PAK5: variants seen among roughly 807,000 people sequenced by gnomAD.
The protein encoded by PAK5 is p21 (RAC1) activated kinase 5.
In PAK5, 16 loss-of-function variants were observed where a neutral mutation model predicts 65.9. The observed-to-expected ratio is 0.24, with a 90% CI of 0.16 to 0.37. The LOEUF is 0.37. PAK5 is among the 10% of genes least tolerant of loss of function. PAK5 has a pLI of 1.00. For synonymous variants in PAK5, 371 were observed against 354.9 expected (o/e 1.05, Z -0.51); for missense variants, 785 against 903.9 (o/e 0.87, Z 1.69).
intron 2 of PAK5, among the ~76,000 whole-genome samples, chr20:9,687,348 A>T (rs1233121142): frequency 6.6e-6 from 1 of 152,200 alleles, no homozygotes; most frequent in African/African-American, 2.4e-5. Flanking sequence ...GATATCTTCA[A>T]ATGACACTTT....
At chr20:9,835,472 T>C (rs1191138614) in intron 1 of PAK5, among the ~76,000 whole-genome samples, 2 of 152,150 alleles carry the variant, frequency 1.3e-5, no homozygotes, top group Admixed American at 6.5e-5. Context: ...AAGATGAGGC[T>C]GGCCAAGTAT....
At chr20:9,773,913 T>C (rs6108337) in intron 1 of PAK5, among the ~76,000 whole-genome samples, 48,587 of 152,088 alleles carry the variant, frequency 0.32, 7,848 homozygotes, top group Middle Eastern at 0.47. Context: ...GTTCATGCTT[T>C]GCAGTAACTG....
intron 2 of PAK5, among the ~76,000 whole-genome samples, chr20:9,708,428 T>C (rs2048035674): frequency 6.6e-6 from 1 of 152,168 alleles, no homozygotes; most frequent in Non-Finnish European, 1.5e-5. Context: ...AGAGGGGATA[T>C]CCAACATATA....
At chr20:9,787,987 G>C (rs1351470436) in intron 1 of PAK5, among the ~76,000 whole-genome samples, 1 of 151,384 alleles carries the variant, frequency 6.6e-6, no homozygotes, top group Non-Finnish European at 1.5e-5. Flanking sequence ...GTGTGTTGGG[G>C]GGGGTATGTG....
chr20:9,772,759 C>T (rs2048848071), intron 1 of PAK5, among the ~76,000 whole-genome samples: 1 of 152,218 alleles, frequency 6.6e-6, no homozygotes, highest in South Asian at 2.1e-4. Context: ...CCCCTGGGTC[C>T]TCCAGCAGAG....
intron 2 of PAK5, among the ~76,000 whole-genome samples, chr20:9,701,907 G>A (rs1253850448): frequency 6.6e-6 from 1 of 152,056 alleles, no homozygotes; most frequent in East Asian, 1.9e-4. Flanking sequence ...GGTTGAGATA[G>A]GAGGACTGCT....
intron 1 of PAK5, among the ~76,000 whole-genome samples, chr20:9,830,930 TTTTGG>T (rs550496057): frequency 6.6e-6 from 1 of 152,112 alleles, no homozygotes; most frequent in South Asian, 2.1e-4. Flanking sequence ...TGTTGTCTTT[TTTTGG>T]TTTGGTTTGG....
intron 3 of PAK5, among the ~76,000 whole-genome samples, chr20:9,590,518 C>T (rs1017470873): frequency 3.3e-5 from 5 of 151,914 alleles, no homozygotes; most frequent in African/African-American, 1.2e-4. Context: ...AATACTTACT[C>T]TCAGGCCCTT....
At chr20:9,640,484 C>T (rs1365310071) in intron 3 of PAK5, among the ~76,000 whole-genome samples, 2 of 152,034 alleles carry the variant, frequency 1.3e-5, no homozygotes, top group Non-Finnish European at 2.9e-5. Flanking sequence ...GGGTTGGTTT[C>T]AAGTCTTTGC....
chr20:9,757,654 T>A (rs1340968763), intron 1 of PAK5, among the ~76,000 whole-genome samples: 1 of 152,156 alleles, frequency 6.6e-6, no homozygotes, highest in African/African-American at 2.4e-5. Context: ...CAACATTTTC[T>A]CCCTCATAAA....
chr20:9,732,943 G>C (rs919168310), intron 1 of PAK5, among the ~76,000 whole-genome samples: 4 of 152,196 alleles, frequency 2.6e-5, no homozygotes, highest in African/African-American at 9.6e-5. Context: ...ATCTGGAAAA[G>C]ACATCAACTT....
intron 8 of PAK5, among the ~76,000 whole-genome samples, chr20:9,544,039 T>A (rs2045306637): frequency 6.6e-6 from 1 of 152,192 alleles, no homozygotes. Context: ...CATCTGCATG[T>A]CTCCAGCCAC....
chr20:9,750,804 G>A (rs2048567484), intron 1 of PAK5, among the ~76,000 whole-genome samples: 3 of 152,078 alleles, frequency 2.0e-5, no homozygotes, highest in African/African-American at 7.2e-5. Flanking sequence ...CATGAGTACT[G>A]ATGATAGTTC....
In PAK5 at chr20:9,580,265, C is replaced by T. The variant is rs149925869; in HGVS notation, c.870G>A (p.Ser290=). Residue 290 remains serine, a synonymous_variant, in exon 4 of 10, where the codon TCG becomes TCA. Coordinates refer to ENST00000353224, the MANE Select transcript of PAK5 (RefSeq NM_177990.4). The part of the protein sequence containing the change: ...PTMRQRSRSG[S]GLQEPMMPFG... Reference sequence around the variant, plus strand: ...ATGGCATCATCGGTTCCTGGAGTCCCGAGCCTGACCTGGACCTCTGCCGCA... The same window carrying T: ...ATGGCATCATCGGTTCCTGGAGTCCTGAGCCTGACCTGGACCTCTGCCGCA... 3.7e-5 allele frequency: 60 copies of T among 1,614,096 alleles called. No homozygotes were observed. The African/African-American group carries it at 6.1e-4, about 16-fold the overall frequency.
At chr20:9,553,659 C>T (rs2045464905) in intron 7 of PAK5, among the ~76,000 whole-genome samples, 1 of 151,576 alleles carries the variant, frequency 6.6e-6, no homozygotes, top group Non-Finnish European at 1.5e-5. Flanking sequence ...TGAGGTTCAC[C>T]CAAGTTCTCG....
chr20:9,720,004 T>C (rs1163574009), intron 1 of PAK5, among the ~76,000 whole-genome samples: 1 of 152,152 alleles, frequency 6.6e-6, no homozygotes, highest in African/African-American at 2.4e-5. Flanking sequence ...GTCTTTGGAG[T>C]GTGTGAATTC....
intron 4 of PAK5, among the ~76,000 whole-genome samples, chr20:9,569,690 A>ATTTTAGTCAAGTCAACCTCTCTGAGTCTT (rs2045742665): frequency 6.6e-6 from 1 of 152,018 alleles, no homozygotes; most frequent in African/African-American, 2.4e-5. Flanking sequence ...GATGCATAAG[A>ATTTTAGTCAAGTCAACCTCTCTGAGTCTT]AGGTAGTCAT....
chr20:9,580,657 A>G lies in PAK5; in HGVS notation c.478T>C (p.Tyr160His), dbSNP rs2045962867. 1.2e-6 allele frequency: 2 copies of G among 1,613,892 alleles called. No individual in the cohort carries two copies. The highest frequency in any genetic ancestry group is 1.7e-5 in the Admixed American group (1 of 59,980). The change falls in exon 4 of 10, where the codon TAT (tyrosine) becomes CAT (histidine). Residue 160 changes from tyrosine to histidine, a missense_variant. This residue lies in a region of PAK5 where 422 missense variants were observed against 413.3 expected (regional missense o/e 1.02). Transcript: ENST00000353224. ...TGCTTGGCTGCGTGGCTGCCTCTAT[A>G]ATACGGATCCAGATCATCTCCATAG... ...SLYGDDLDPY[Y>H]RGSHAAKQNG...
At chr20:9,640,613 G>A (rs913462482) in intron 3 of PAK5, among the ~76,000 whole-genome samples, 6 of 152,184 alleles carry the variant, frequency 3.9e-5, no homozygotes, top group Admixed American at 6.5e-5. Flanking sequence ...CAAGAATGAA[G>A]CCGCGGACCC....
Sources: gnomAD v4.1 joint callset for allele counts (sites outside exome capture counted in the v4.1 genomes callset) on GRCh38, gnomAD v4.1.1 for gene constraint, gnomAD v4.1.1 regional missense constraint, MANE v1.5 for transcripts, NCBI Gene and HGNC (gene_info 2026-07-23, HGNC 2026-07-21) for gene names.